Variants in HSPA12A observed in about 807,000 individuals in gnomAD.
HSPA12A encodes the protein heat shock 70 kDa protein 12A.
Under a neutral mutation model 69.2 loss-of-function variants are expected in HSPA12A, and 28 were observed. The observed-to-expected ratio is 0.40, with a 90% CI of 0.30 to 0.55. The LOEUF (loss-of-function observed/expected upper bound fraction) is 0.55. Among genes scored for constraint, HSPA12A ranks in the 20% least tolerant of loss-of-function variants. The pLI is 0.38. For synonymous variants in HSPA12A, 345 were observed against 370.5 expected (o/e 0.93, Z 0.79); for missense variants, 686 against 900.7 (o/e 0.76, Z 3.05).
At chr10:116,739,230 C>T (rs946093000) in intron 1 of HSPA12A, among the ~76,000 whole-genome samples, 1 of 152,168 alleles carries the variant, frequency 6.6e-6, no homozygotes, top group Non-Finnish European at 1.5e-5. Context: ...TCCAGCTGTG[C>T]GCTGCTAGGA....
chr10:116,793,358 C>A (rs529783855), intron 2 of HSPA12A, among the ~76,000 whole-genome samples: 2 of 152,190 alleles, frequency 1.3e-5, no homozygotes, highest in South Asian at 4.2e-4. Flanking sequence ...ATGTCTTGAG[C>A]CCAGGAATTT....
intron 2 of HSPA12A, among the ~76,000 whole-genome samples, chr10:116,799,561 G>A (rs1844911581): frequency 6.6e-6 from 1 of 152,104 alleles, no homozygotes; most frequent in Non-Finnish European, 1.5e-5. Context: ...TTCTTACAAG[G>A]CCTGGTGCCA....
intron 9 of HSPA12A, 145 bp from the exon 10 acceptor site, chr10:116,679,906 C>G: frequency 1.4e-6 from 1 of 717,360 alleles, no homozygotes; most frequent in Non-Finnish European, 2.3e-6. Flanking sequence ...ACTTCAGAAC[C>G]CTGCGCTGCT....
At chr10:116,721,551 G>A (rs2133025847) in intron 1 of HSPA12A, among the ~76,000 whole-genome samples, 1 of 152,268 alleles carries the variant, frequency 6.6e-6, no homozygotes, top group East Asian at 1.9e-4. Context: ...TGAACTTAAA[G>A]TAAGTCAATC....
At chr10:116,744,012 T>C (rs965304706), upstream of HSPA12A, among the ~76,000 whole-genome samples, 5 of 152,182 alleles carry the variant, frequency 3.3e-5, no homozygotes, top group Admixed American at 2.0e-4. Flanking sequence ...AATCATTAAG[T>C]CACTGATGGC....
At position 116,696,166 on chromosome 10, in the gene HSPA12A, C is replaced by T. The variant is rs1443739793; in HGVS notation, c.546+2469G>A. Among the ~76,000 whole-genome samples, 3 of 152,214 alleles carry T rather than the reference C, an allele frequency of 2.0e-5. No individual in the cohort carries two copies. In the East Asian group the frequency reaches 5.8e-4, roughly 29 times the overall value. ...CCACTAGCACATTGATCTTGGACTT[C>T]CCAGCCTCCAGACTATGAGAAATAA... On this transcript the variant is annotated intron_variant, in intron 5 of 11. Coordinates refer to ENST00000369209, the MANE Select transcript of HSPA12A (RefSeq NM_025015.3).
intron 10 of HSPA12A, among the ~76,000 whole-genome samples, chr10:116,678,549 G>A (rs2133359838): frequency 7.2e-6 from 1 of 139,630 alleles, no homozygotes; most frequent in African/African-American, 2.7e-5. Context: ...TCAGATAGCT[G>A]CTATGTAGAG....
chr10:116,790,405 CT>C (rs1056098310), intron 2 of HSPA12A, among the ~76,000 whole-genome samples: 1 of 151,972 alleles, frequency 6.6e-6, no homozygotes, highest in African/African-American at 2.4e-5. Context: ...GCCCAGCCCC[CT>C]GATGACCTTT....
At chr10:116,730,457 C>A (rs934488019) in intron 1 of HSPA12A, among the ~76,000 whole-genome samples, 5 of 152,194 alleles carry the variant, frequency 3.3e-5, no homozygotes, top group African/African-American at 1.2e-4. Context: ...AGCTCCCAGG[C>A]ATGGGGTGTT....
chr10:116,725,214 C>T (rs534244451), intron 1 of HSPA12A, among the ~76,000 whole-genome samples: 1 of 152,290 alleles, frequency 6.6e-6, no homozygotes, highest in East Asian at 1.9e-4. Flanking sequence ...ATGGGAATTG[C>T]TTCTGGCTTC....
At position 116,689,612 on chromosome 10, in the gene HSPA12A, C is replaced by CACAG. The variant is rs58875112; in HGVS notation, c.663+2735_663+2738dup. On this transcript the variant is annotated intron_variant, in intron 6 of 11. Coordinates refer to ENST00000369209, the MANE Select transcript of HSPA12A (RefSeq NM_025015.3). ...ACAGAAGCAGTAGGGCATACAGACA[C>CACAG]ACAGACAGACAGACAGACAGACAGA... 5.6e-3 allele frequency among the ~76,000 whole-genome samples: 845 copies of CACAG among 150,668 alleles called. 2 individuals are homozygous for CACAG. The highest frequency in any genetic ancestry group is 8.8e-3 in the African/African-American group (361 of 40,904).
intron 3 of HSPA12A, among the ~76,000 whole-genome samples, chr10:116,701,868 T>C (rs1359316781): frequency 6.6e-6 from 1 of 152,010 alleles, no homozygotes; most frequent in Non-Finnish European, 1.5e-5. Context: ...CTGTGAATAA[T>C]GGGAAGCCAC....
At chr10:116,713,723 C>T (rs1297430014) in intron 1 of HSPA12A, among the ~76,000 whole-genome samples, 2 of 152,196 alleles carry the variant, frequency 1.3e-5, no homozygotes, top group African/African-American at 4.8e-5. Context: ...TGTGTCTATA[C>T]ATGTCCAGGC....
At chr10:116,796,551 C>T (rs1243698653) in intron 2 of HSPA12A, among the ~76,000 whole-genome samples, 1 of 152,186 alleles carries the variant, frequency 6.6e-6, no homozygotes, top group Non-Finnish European at 1.5e-5. Context: ...CAAACTCCTC[C>T]AGACCATGGA....
At chr10:116,784,715 G>T (rs531352909) in intron 2 of HSPA12A, among the ~76,000 whole-genome samples, 1 of 152,148 alleles carries the variant, frequency 6.6e-6, no homozygotes, top group East Asian at 1.9e-4. Context: ...TTGTGCTTCC[G>T]GCCCCAGCTG....
intron 2 of HSPA12A, among the ~76,000 whole-genome samples, chr10:116,748,358 T>C (rs1483279692): frequency 7.2e-5 from 11 of 152,324 alleles, no homozygotes; most frequent in South Asian, 2.1e-4. Flanking sequence ...GCCAGAGGGC[T>C]GAGAGCTTCA....
intron 10 of HSPA12A, among the ~76,000 whole-genome samples, chr10:116,678,272 C>A (rs962336472): frequency 8.7e-5 from 13 of 148,666 alleles, no homozygotes; most frequent in African/African-American, 1.0e-4. Context: ...GTAGGAGGAA[C>A]CACCACCCGT....
At chr10:116,797,696 A>G (rs1844860190) in intron 2 of HSPA12A, among the ~76,000 whole-genome samples, 1 of 152,236 alleles carries the variant, frequency 6.6e-6, no homozygotes, top group Non-Finnish European at 1.5e-5. Flanking sequence ...AAAAGCCCTC[A>G]ACAGGGTGGA....
intron 2 of HSPA12A, among the ~76,000 whole-genome samples, chr10:116,802,750 C>T (rs989525412): frequency 6.6e-6 from 1 of 152,194 alleles, no homozygotes; most frequent in African/African-American, 2.4e-5. Context: ...GCTTGCCTAC[C>T]TCTCCCTGGC....
Sources: gnomAD v4.1 joint callset for allele counts (sites outside exome capture counted in the v4.1 genomes callset) on GRCh38, gnomAD v4.1.1 for gene constraint, MANE v1.5 for transcripts, NCBI Gene and HGNC (gene_info 2026-07-23, HGNC 2026-07-21) for gene names.